The following GALNT18 variants were observed in gnomAD, a reference collection of about 807,000 sequenced individuals.
GALNT18 encodes the protein GalNAc-transferase 18.
A neutral mutation model predicts 69.5 loss-of-function variants in GALNT18; 44 were observed. The ratio of observed to expected loss-of-function variants is 0.63; its 90% CI spans 0.50 to 0.81. GALNT18 has a LOEUF of 0.81. Ranked by LOEUF, GALNT18 falls within the 40% of genes least tolerant of loss-of-function variation. GALNT18 has a pLI of 0.00. For synonymous variants in GALNT18, 364 were observed against 318.2 expected (o/e 1.14, Z -1.53); for missense variants, 715 against 810.0 (o/e 0.88, Z 1.42).
chr11:11,371,998 G>A (rs1217225828), intron 6 of GALNT18, among the ~76,000 whole-genome samples: 1 of 152,156 alleles, frequency 6.6e-6, no homozygotes, highest in Admixed American at 6.5e-5. Context: ...CTAGCACCTG[G>A]GATCAGAAAG....
At chr11:11,594,840 TACACATATACATAC>T (rs1423127966) in intron 1 of GALNT18, among the ~76,000 whole-genome samples, 34 of 68,908 alleles carry the variant, frequency 4.9e-4, no homozygotes, top group African/African-American at 1.2e-3. Flanking sequence ...TATATATATA[TACACATATACATAC>T]ATACACACAC....
chr11:11,508,112 A>G (rs982814356), intron 1 of GALNT18, among the ~76,000 whole-genome samples: 3 of 152,202 alleles, frequency 2.0e-5, no homozygotes, highest in South Asian at 2.1e-4. Context: ...CAATTATCCA[A>G]TCATGTCCTT....
At chr11:11,352,546 C>T (rs1850434217) in intron 6 of GALNT18, 2 of 1,614,100 alleles carry the variant, frequency 1.2e-6, no homozygotes, top group Non-Finnish European at 1.7e-6. Flanking sequence ...CGGGAAGCAA[C>T]TCGGACATTA....
rs146739683 is a variant in GALNT18 at position 11,294,429 on chromosome 11, C to G, written c.1513-1236G>C. Among the ~76,000 whole-genome samples, 466 of 152,180 alleles carry G rather than the reference C, an allele frequency of 3.1e-3. 3 individuals are homozygous for G. Among genetic ancestry groups the G allele is most frequent in the East Asian group, 0.011 (58 of 5,178 alleles). On this transcript the variant is annotated intron_variant, in intron 9 of 10. Transcript: ENST00000227756. ...TTTGTTTGTATAATCAGATTAAGCACAGAGAGCCACTCTTATCAGTTCTGC... is the reference window on the plus strand; with the variant it reads ...TTTGTTTGTATAATCAGATTAAGCAGAGAGAGCCACTCTTATCAGTTCTGC...
In GALNT18 at chr11:11,436,088, C is replaced by T. The variant is rs369786217; in HGVS notation, c.429-3301G>A. ...ATGTGGCCCTGCGTGAGCAGAGAGGCGAGGGGTGGGCAGGGTAAGGAAGAT... is the reference window on the plus strand; with the variant it reads ...ATGTGGCCCTGCGTGAGCAGAGAGGTGAGGGGTGGGCAGGGTAAGGAAGAT... On this transcript the variant is annotated intron_variant, in intron 2 of 10. Transcript: ENST00000227756. The surrounding 1 kb of genome is among the most constrained non-coding windows in gnomAD (Gnocchi z 4.5). Among the ~76,000 whole-genome samples, 3 of 152,266 alleles carry T rather than the reference C, an allele frequency of 2.0e-5. No homozygotes were observed. The highest frequency in any genetic ancestry group is 4.8e-5 in the African/African-American group (2 of 41,560).
chr11:11,271,780 T>G (rs1848833373), intron 10 of GALNT18, among the ~76,000 whole-genome samples: 2 of 152,228 alleles, frequency 1.3e-5, no homozygotes, highest in Non-Finnish European at 2.9e-5. Context: ...TACTGTCTCT[T>G]AGGCCACTGG....
In GALNT18 at chr11:11,314,701, G is replaced by T. The variant is rs1849721975; in HGVS notation, c.1512+12385C>A. ...GCCTGAGAATCAGGGATAACTGCAGGCAGGTTCCAGGGGGCAGCTGTGAAA... is the reference window on the plus strand; with the variant it reads ...GCCTGAGAATCAGGGATAACTGCAGTCAGGTTCCAGGGGGCAGCTGTGAAA... On this transcript the variant is annotated intron_variant, in intron 9 of 10. Transcript: ENST00000227756. The surrounding 1 kb of genome is among the most constrained non-coding windows in gnomAD (Gnocchi z 5.2). Among the ~76,000 whole-genome samples, 1 of 152,236 alleles carries T rather than the reference G, an allele frequency of 6.6e-6. No individual in the cohort carries two copies. The highest frequency in any genetic ancestry group is 1.5e-5 in the Non-Finnish European group (1 of 68,036).
chr11:11,350,977 G>T (rs1850389682), intron 6 of GALNT18, among the ~76,000 whole-genome samples: 1 of 152,174 alleles, frequency 6.6e-6, no homozygotes, highest in Non-Finnish European at 1.5e-5. Context: ...CTGCCAGTAT[G>T]TAAAGAGGCA....
rs148676055 is a variant in GALNT18, at chr11:11,617,446, T to C, written c.235+3913A>G. Among the ~76,000 whole-genome samples the C allele has an allele frequency of 1.6e-3, 244 of 152,296 alleles. 1 individual carries two copies. The highest frequency in any genetic ancestry group is 5.7e-3 in the African/African-American group (237 of 41,552). On this transcript the variant is annotated intron_variant, in intron 1 of 10. Transcript: ENST00000227756. The surrounding 1 kb of genome is among the most constrained non-coding windows in gnomAD (Gnocchi z 4.7). ...ACATTAGGTCTCCAACAGATAAATG[T>C]TAAACCAATAAACTATGTAGCAAAT...
chr11:11,344,974 G>A (rs745531265), intron 6 of GALNT18, among the ~76,000 whole-genome samples: 3 of 152,164 alleles, frequency 2.0e-5, no homozygotes, highest in Non-Finnish European at 4.4e-5. Flanking sequence ...CTGTGTGTGT[G>A]CCTATTATTA....
chr11:11,299,152 A>T (rs979135443), intron 9 of GALNT18, among the ~76,000 whole-genome samples: 1 of 151,940 alleles, frequency 6.6e-6, no homozygotes, highest in Non-Finnish European at 1.5e-5. Context: ...TAGGGTTTTT[A>T]TTTTTTAATT....
chr11:11,527,485 CAT>C lies in GALNT18; in HGVS notation c.236-78551_236-78550del, dbSNP rs368976961. Among the ~76,000 whole-genome samples the C allele has an allele frequency of 7.1e-3, 1,074 of 152,312 alleles. 10 individuals carry two copies. Among genetic ancestry groups the C allele is most frequent in the South Asian group, 0.031 (151 of 4,830 alleles). On this transcript the variant is annotated intron_variant, in intron 1 of 10. Transcript: ENST00000227756. ...CAGATTTTTCCTAAGTAAATGTCCA[CAT>C]GAGCTTTATTCTACAGAACTGTAAA...
At chr11:11,359,835 C>A (rs1254479051) in intron 6 of GALNT18, among the ~76,000 whole-genome samples, 2 of 152,204 alleles carry the variant, frequency 1.3e-5, no homozygotes, top group African/African-American at 2.4e-5. Flanking sequence ...CATTTTAAAA[C>A]CAGTCAGGCT....
In GALNT18 at chr11:11,432,773, G is replaced by T; in HGVS notation, c.443C>A (p.Ser148Ter). ...CACCTCTGGCAGGCTGTCAGGAAAT[G>T]AGAGGTTACGGCACCTGCAAAGAAC... is the stretch of plus-strand genomic sequence containing the variant. Reference protein sequence around the residue: ...DLRPSGCRNLSFPDSLPEVSI... With the variant: ...DLRPSGCRNL The change falls in exon 3 of 11, where the codon TCA becomes TAA. Residue 148 changes from serine (S) to a stop codon, truncating the protein, a stop_gained. Coordinates refer to ENST00000227756, the MANE Select transcript of GALNT18 (RefSeq NM_198516.3). LOFTEE classifies it high-confidence loss of function. This position sits in a 1 kb window ranked among gnomAD's most constrained non-coding sequence, Gnocchi z 5.8. The T allele has an allele frequency of 6.2e-7, 1 of 1,613,990 alleles. No individual in the cohort carries two copies. The highest frequency in any genetic ancestry group is 1.1e-5 in the South Asian group (1 of 91,008).
In GALNT18 at chr11:11,337,948, G is replaced by C. The variant is rs1350891294; in HGVS notation, c.1278+2871C>G. Among the ~76,000 whole-genome samples, 3 of 151,172 alleles carry C rather than the reference G, an allele frequency of 2.0e-5. No homozygotes were observed. The highest frequency in any genetic ancestry group is 7.3e-5 in the African/African-American group (3 of 41,060). The stretch of plus-strand genomic sequence containing the variant: ...TTGTGCTTGATTTTGTACATAGCAG[G>C]AGTCATTTAAAGATTTTTTTTTTTT... On this transcript the variant is annotated intron_variant, in intron 7 of 10. Coordinates refer to ENST00000227756, the MANE Select transcript of GALNT18 (RefSeq NM_198516.3). The surrounding 1 kb of genome is among the most constrained non-coding windows in gnomAD (Gnocchi z 4.9).
At position 11,387,836 on chromosome 11, in the gene GALNT18, G is replaced by A. The variant is rs746335846; in HGVS notation, c.596-8572C>T. Among the ~76,000 whole-genome samples the A allele has an allele frequency of 3.9e-4, 60 of 152,226 alleles. No individual in the cohort carries two copies. Among genetic ancestry groups the A allele is most frequent in the Non-Finnish European group, 7.1e-4 (48 of 68,044 alleles). ...GATGGTGAGCCTGGCTTGGGCAGCTGGGATCCCGGAGAGCTCCGGGCAGCA... is the reference window on the plus strand; with the variant it reads ...GATGGTGAGCCTGGCTTGGGCAGCTAGGATCCCGGAGAGCTCCGGGCAGCA... On this transcript the variant is annotated intron_variant, in intron 3 of 10. Coordinates refer to ENST00000227756, the MANE Select transcript of GALNT18 (RefSeq NM_198516.3). This position sits in a 1 kb window ranked among gnomAD's most constrained non-coding sequence, Gnocchi z 4.6.
In GALNT18 at chr11:11,377,813, G is replaced by A. The variant is rs1443035548; in HGVS notation, c.780-434C>T. Among the ~76,000 whole-genome samples the A allele has an allele frequency of 6.6e-6, 1 of 152,198 alleles. No individual in the cohort carries two copies. The highest frequency in any genetic ancestry group is 6.5e-5 in the Admixed American group (1 of 15,282). Reference sequence around the variant, plus strand: ...GAGGAAAAGACAGATGAGGATGGCAGAGACTAGGAGCTGAGAACAAACCTA... The same window carrying A: ...GAGGAAAAGACAGATGAGGATGGCAAAGACTAGGAGCTGAGAACAAACCTA... On this transcript the variant is annotated intron_variant, in intron 4 of 10. Coordinates refer to ENST00000227756, the MANE Select transcript of GALNT18 (RefSeq NM_198516.3). The surrounding 1 kb of genome is among the most constrained non-coding windows in gnomAD (Gnocchi z 4.6).
At chr11:11,280,481 C>T (rs1026024894) in intron 10 of GALNT18, among the ~76,000 whole-genome samples, 1 of 152,070 alleles carries the variant, frequency 6.6e-6, no homozygotes, top group East Asian at 1.9e-4. Context: ...CATGCTCCTT[C>T]CACTGCGCTA....
intron 3 of GALNT18, among the ~76,000 whole-genome samples, chr11:11,407,082 C>T (rs1854605308): frequency 6.6e-6 from 1 of 152,216 alleles, no homozygotes. Flanking sequence ...TGCCAAAGTA[C>T]TGAGCCTAAT....
Sources: allele counts gnomAD v4.1 joint callset (sites outside exome capture counted in the v4.1 genomes callset), GRCh38; gene constraint gnomAD v4.1.1; non-coding constraint Gnocchi (gnomAD v3.1); transcripts MANE v1.5; gene names NCBI Gene and HGNC (gene_info 2026-07-23, HGNC 2026-07-21).